The following SS18L1 variants were observed in gnomAD, a reference collection of about 807,000 sequenced individuals.
SS18L1 encodes the protein calcium-responsive transactivator.
In SS18L1, 32 loss-of-function variants were observed where a neutral mutation model predicts 70.3. The observed-to-expected ratio is 0.46, with a 90% CI of 0.34 to 0.61. SS18L1 has a LOEUF of 0.61. Ranked by LOEUF, SS18L1 falls within the 20% of genes least tolerant of loss-of-function variation. The pLI, the probability that SS18L1 is intolerant of heterozygous loss-of-function variation, is 0.01. For missense variants in SS18L1, 430 were observed against 542.1 expected (o/e 0.79, Z 2.05); for synonymous variants, 237 against 229.7 (o/e 1.03, Z -0.29).
chr20:62,157,040 A>AC (rs1202703599), intron 1 of SS18L1, among the ~76,000 whole-genome samples: 1 of 148,578 alleles, frequency 6.7e-6, no homozygotes, highest in Non-Finnish European at 1.5e-5. Flanking sequence ...CCCCTCCCAT[A>AC]CCCCCTCTCT....
intron 8 of SS18L1, 86 bp from the exon 9 acceptor site, chr20:62,172,596 A>G (rs2057550924): frequency 1.9e-6 from 3 of 1,596,158 alleles, no homozygotes; most frequent in Non-Finnish European, 2.6e-6. Context: ...TGGGATTCCA[A>G]AGTTACCGTG....
At chr20:62,172,890 G>A (rs1441667580) in intron 9 of SS18L1, 89 bp downstream of exon 9, 1 of 1,567,980 alleles carries the variant, frequency 6.4e-7, no homozygotes, top group Non-Finnish European at 8.7e-7. Flanking sequence ...CCAGCCAGCA[G>A]AGCTACCCTG....
chr20:62,145,777 T>G (rs1478329618), intron 1 of SS18L1, among the ~76,000 whole-genome samples: 1 of 152,318 alleles, frequency 6.6e-6, no homozygotes, highest in East Asian at 1.9e-4. Context: ...GCTTGGTGTT[T>G]TGACGGTGAA....
At chr20:62,146,604 C>CTTTTTTTTTTTTTT (rs1339898731) in intron 1 of SS18L1, among the ~76,000 whole-genome samples, 1 of 34,154 alleles carries the variant, frequency 2.9e-5, no homozygotes, top group African/African-American at 1.2e-4. Context: ...CTGCTTTGAT[C>CTTTTTTTTTTTTTT]ATTTTTTTTT....
chr20:62,170,572 CGTTGCTGTCCT>C (rs2057513166), intron 8 of SS18L1, among the ~76,000 whole-genome samples: 1 of 152,268 alleles, frequency 6.6e-6, no homozygotes, highest in Non-Finnish European at 1.5e-5. Flanking sequence ...CTGCCCGCCC[CGTTGCTGTCCT>C]GTTGAGAGCA....
intron 1 of SS18L1, among the ~76,000 whole-genome samples, chr20:62,156,278 A>C (rs969006824): frequency 6.6e-6 from 1 of 152,184 alleles, no homozygotes; most frequent in African/African-American, 2.4e-5. Context: ...AAGGAAAGGA[A>C]GAAAGCCCAT....
intron 1 of SS18L1, among the ~76,000 whole-genome samples, chr20:62,146,605 ATTT>A (rs10673768): frequency 0.014 from 1,079 of 79,682 alleles, 22 homozygotes; most frequent in Non-Finnish European, 0.019. Flanking sequence ...TGCTTTGATC[ATTT>A]TTTTTTTTTT....
intron 1 of SS18L1, among the ~76,000 whole-genome samples, chr20:62,146,693 C>T (rs957622716): frequency 2.8e-5 from 4 of 142,266 alleles, no homozygotes; most frequent in South Asian, 2.3e-4. Context: ...TCACAACCTC[C>T]GCGCCCCCGC....
At chr20:62,175,003 CTACA>C in intron 10 of SS18L1, 11 of 830,434 alleles carry the variant, frequency 1.3e-5, no homozygotes, top group Non-Finnish European at 1.6e-5. Context: ...TTATGTCTCG[CTACA>C]GAGACATAAG....
chr20:62,154,995 C>T (rs2057197096), intron 1 of SS18L1, among the ~76,000 whole-genome samples: 1 of 152,218 alleles, frequency 6.6e-6, no homozygotes, highest in Non-Finnish European at 1.5e-5. Flanking sequence ...AGCTCTTCTG[C>T]CCCCTCTGTT....
intron 7 of SS18L1, among the ~76,000 whole-genome samples, chr20:62,164,808 C>T (rs1484560771): frequency 1.3e-5 from 2 of 152,194 alleles, no homozygotes; most frequent in Middle Eastern, 3.2e-3. Flanking sequence ...GCAGGAGGAT[C>T]GCTTCAGCCC....
chr20:62,160,284 AGGTGGGGTGGGGAGAGGTGG>A (rs1380268470), intron 3 of SS18L1, among the ~76,000 whole-genome samples: 178 of 74,366 alleles, frequency 2.4e-3, no homozygotes, highest in East Asian at 7.1e-3. Context: ...GGATGGGGAG[AGGTGGGGTGGGGAGAGGTGG>A]GGTGGGGTGG....
chr20:62,159,320 A>T lies in SS18L1; in HGVS notation c.147-557A>T, dbSNP rs1408517857. Among the ~76,000 whole-genome samples, 2 of 152,184 alleles carry T rather than the reference A, an allele frequency of 1.3e-5. No homozygotes were observed. Among genetic ancestry groups the T allele is most frequent in the Non-Finnish European group, 2.9e-5 (2 of 68,028 alleles). ...AAGCGGCTGTCCAAGTGGCCGTCAG[A>T]CTGACCTGGAGGTGGGAAGTGCGTG... On this transcript the variant is annotated intron_variant, in intron 2 of 10. Transcript: ENST00000331758. The surrounding 1 kb of genome is among the most constrained non-coding windows in gnomAD (Gnocchi z 4.4).
chr20:62,152,448 A>G (rs1172565661), intron 1 of SS18L1, among the ~76,000 whole-genome samples: 1 of 152,124 alleles, frequency 6.6e-6, no homozygotes, highest in Middle Eastern at 3.2e-3. Flanking sequence ...TCAGGCCACC[A>G]GCTTCAGTGC....
intron 9 of SS18L1, among the ~76,000 whole-genome samples, chr20:62,173,830 A>G (rs2057573574): frequency 6.6e-6 from 1 of 152,092 alleles, no homozygotes; most frequent in South Asian, 2.1e-4. Context: ...AGCCTGGATG[A>G]CATAGTGAGA....
chr20:62,157,812 AG>A (rs2057250221), intron 1 of SS18L1, among the ~76,000 whole-genome samples: 3 of 152,060 alleles, frequency 2.0e-5, no homozygotes, highest in African/African-American at 4.8e-5. Context: ...GCGGGGTGCC[AG>A]CCCCAGGTCT....
intron 7 of SS18L1, 48 bp from the exon 8 acceptor site, chr20:62,165,374 G>C: frequency 6.4e-7 from 1 of 1,569,598 alleles, no homozygotes; most frequent in Non-Finnish European, 8.7e-7. Flanking sequence ...TCCGGGACCT[G>C]TGCAGTGCAC....
chr20:62,149,199 G>A (rs989028522), intron 1 of SS18L1, among the ~76,000 whole-genome samples: 13 of 152,230 alleles, frequency 8.5e-5, no homozygotes, highest in Admixed American at 2.0e-4. Context: ...CCTGGGTGCC[G>A]AGCAGTTAGC....
chr20:62,156,493 G>A (rs1346996561), intron 1 of SS18L1, among the ~76,000 whole-genome samples: 1 of 152,228 alleles, frequency 6.6e-6, no homozygotes, highest in African/African-American at 2.4e-5. Context: ...GAGAAAAGTG[G>A]TAAAGAGTGG....
Sources: allele counts gnomAD v4.1 joint callset (sites outside exome capture counted in the v4.1 genomes callset), GRCh38; gene constraint gnomAD v4.1.1; non-coding constraint Gnocchi (gnomAD v3.1); transcripts MANE v1.5; gene names NCBI Gene and HGNC (gene_info 2026-07-23, HGNC 2026-07-21).